Variants in FAF1 observed in about 807,000 individuals in gnomAD.
FAF1 encodes the protein Fas associated factor 1, also known as FAS-associated factor 1.
In FAF1, 25 loss-of-function variants were observed where a neutral mutation model predicts 92.5. That is an observed-to-expected ratio of 0.27 (90% CI 0.20 to 0.38). FAF1 has a LOEUF of 0.38. FAF1 is among the 10% of genes least tolerant of loss of function. The probability of loss-of-function intolerance (pLI) is 1.00; values close to 1 mark genes in which losing one functional copy is unlikely to be tolerated. For synonymous variants in FAF1, 234 were observed against 273.2 expected, an observed-to-expected ratio of 0.86 and a Z score of 1.42; for missense variants, 636 against 793.3, an observed-to-expected ratio of 0.80 and a Z score of 2.38.
chr1:50,685,372 A>G (rs926950077), intron 7 of FAF1, among the ~76,000 whole-genome samples: 13 of 152,232 alleles, frequency 8.5e-5, no homozygotes, highest in South Asian at 2.1e-4. Context: ...CTTTACTGAT[A>G]AAGAGTCCGT....
intron 12 of FAF1, among the ~76,000 whole-genome samples, chr1:50,571,143 G>A (rs773722125): frequency 3.9e-5 from 6 of 152,182 alleles, no homozygotes; most frequent in Admixed American, 6.5e-5. Flanking sequence ...GGAGGCAAAC[G>A]TTTAATTGTA....
At chr1:50,840,428 T>C (rs1028698462) in intron 2 of FAF1, among the ~76,000 whole-genome samples, 3 of 151,714 alleles carry the variant, frequency 2.0e-5, no homozygotes, top group Admixed American at 1.3e-4. Flanking sequence ...CCAAATATAA[T>C]GCACAAAAGA....
intron 15 of FAF1, among the ~76,000 whole-genome samples, chr1:50,497,654 A>C (rs115108541): frequency 0.024 from 3,563 of 146,346 alleles, 155 homozygotes; most frequent in African/African-American, 0.085. Context: ...GGTTTAAGCA[A>C]TTCTCTGCCT....
At chr1:50,612,879 G>T (rs904740604) in intron 8 of FAF1, among the ~76,000 whole-genome samples, 1 of 152,112 alleles carries the variant, frequency 6.6e-6, no homozygotes, top group African/African-American at 2.4e-5. Flanking sequence ...TCTTAAAACC[G>T]TTATTGTGAA....
chr1:50,827,434 G>A (rs1290315180), intron 2 of FAF1, among the ~76,000 whole-genome samples: 1 of 152,134 alleles, frequency 6.6e-6, no homozygotes, highest in African/African-American at 2.4e-5. Context: ...AAGGCAGCAT[G>A]CTCCTTAAGA....
chr1:50,807,787 C>T (rs548155993), intron 2 of FAF1, among the ~76,000 whole-genome samples: 18 of 152,176 alleles, frequency 1.2e-4, no homozygotes, highest in Non-Finnish European at 1.5e-5. Flanking sequence ...ACCAAATCTA[C>T]ATCTCATTGG....
chr1:50,505,073 A>C (rs1444437658), intron 15 of FAF1, among the ~76,000 whole-genome samples: 2 of 152,208 alleles, frequency 1.3e-5, no homozygotes, highest in Non-Finnish European at 2.9e-5. Flanking sequence ...TATTTTGATT[A>C]AGGTAATATA....
chr1:50,778,988 T>C (rs1661063166), intron 4 of FAF1, among the ~76,000 whole-genome samples: 1 of 152,246 alleles, frequency 6.6e-6, no homozygotes, highest in African/African-American at 2.4e-5. Flanking sequence ...TCTCAAACCC[T>C]GCCACTGTTT....
intron 18 of FAF1, among the ~76,000 whole-genome samples, chr1:50,461,678 T>C (rs1646432919): frequency 6.6e-6 from 1 of 152,124 alleles, no homozygotes; most frequent in African/African-American, 2.4e-5. Context: ...CTCAGGAATA[T>C]TTCCAATTAT....
chr1:50,937,503 C>T (rs1267771487), intron 1 of FAF1, among the ~76,000 whole-genome samples: 1 of 151,626 alleles, frequency 6.6e-6, no homozygotes, highest in African/African-American at 2.4e-5. Flanking sequence ...GTAGTGATCC[C>T]CTAATTACCA....
In FAF1 at chr1:50,766,071, G is replaced by A. The variant is rs375533086; in HGVS notation, c.368-21296C>T. Reference sequence around the variant, plus strand: ...CGCGCCATTGCACTCCAGCCTGGGCGACAAGAACGAAACTCTGTCTCAAAA... The same window carrying A: ...CGCGCCATTGCACTCCAGCCTGGGCAACAAGAACGAAACTCTGTCTCAAAA... On this transcript the variant is annotated intron_variant, in intron 4 of 18. Coordinates refer to ENST00000396153, the MANE Select transcript of FAF1 (RefSeq NM_007051.3). Among the ~76,000 whole-genome samples the A allele has an allele frequency of 2.3e-4, 35 of 151,972 alleles. 1 individual carries two copies. In the East Asian group the frequency reaches 3.9e-3, roughly 17 times the overall value.
chr1:50,623,774 T>G (rs990799433), intron 8 of FAF1, among the ~76,000 whole-genome samples: 7 of 151,588 alleles, frequency 4.6e-5, no homozygotes, highest in Non-Finnish European at 1.0e-4. Flanking sequence ...AAACCCTGTC[T>G]CTACAAAAAA....
At chr1:50,577,624 T>C (rs1285347199) in intron 12 of FAF1, among the ~76,000 whole-genome samples, 1 of 152,202 alleles carries the variant, frequency 6.6e-6, no homozygotes, top group Non-Finnish European at 1.5e-5. Flanking sequence ...TGGTATATTA[T>C]ACTATATGGA....
At chr1:50,605,118 G>C (rs895886936) in intron 8 of FAF1, among the ~76,000 whole-genome samples, 1 of 151,764 alleles carries the variant, frequency 6.6e-6, no homozygotes, top group Non-Finnish European at 1.5e-5. Flanking sequence ...AATATAAAAG[G>C]TTTTTTTGTT....
chr1:50,553,159 A>G (rs1016125440), intron 13 of FAF1, among the ~76,000 whole-genome samples: 1 of 152,218 alleles, frequency 6.6e-6, no homozygotes, highest in African/African-American at 2.4e-5. Context: ...ATAGATTGGA[A>G]GGCATGAGGA....
chr1:50,899,523 A>G (rs1644780553), intron 1 of FAF1, among the ~76,000 whole-genome samples: 1 of 152,198 alleles, frequency 6.6e-6, no homozygotes, highest in Non-Finnish European at 1.5e-5. Context: ...GCTGGAGTGC[A>G]GTGGCAACAA....
At chr1:50,941,347 C>T (rs1172285662) in intron 1 of FAF1, among the ~76,000 whole-genome samples, 2 of 151,988 alleles carry the variant, frequency 1.3e-5, no homozygotes, top group African/African-American at 4.8e-5. Context: ...GTAGCTGAGA[C>T]TACAGGTGCC....
intron 9 of FAF1, among the ~76,000 whole-genome samples, chr1:50,594,768 G>A (rs1651711171): frequency 6.6e-6 from 1 of 151,272 alleles, no homozygotes; most frequent in South Asian, 2.1e-4. Flanking sequence ...CTACTTGGGA[G>A]GCTGAGGCAG....
intron 15 of FAF1, among the ~76,000 whole-genome samples, chr1:50,530,786 A>T (rs1648125628): frequency 6.6e-6 from 1 of 152,178 alleles, no homozygotes. Flanking sequence ...CAAAAAATGA[A>T]ACAAACAACC....
Sources: allele counts gnomAD v4.1 joint callset (sites outside exome capture counted in the v4.1 genomes callset), GRCh38; gene constraint gnomAD v4.1.1; transcripts MANE v1.5; gene names NCBI Gene and HGNC (gene_info 2026-07-23, HGNC 2026-07-21).